ST6GAL2: variants seen among roughly 807,000 people sequenced by gnomAD.
ST6GAL2 encodes the protein ST6 beta-galactoside alpha-2,6-sialyltransferase 2.
In ST6GAL2, 24 loss-of-function variants were observed where a neutral mutation model predicts 37.5. That is an observed-to-expected ratio of 0.64 (90% CI 0.46 to 0.90). The LOEUF (loss-of-function observed/expected upper bound fraction) is 0.90, where lower values mean the gene tolerates loss of function less well. Ranked by LOEUF, ST6GAL2 falls within the 40% of genes least tolerant of loss-of-function variation. ST6GAL2 has a pLI of 0.00. For missense variants in ST6GAL2, 715 were observed against 712.7 expected (o/e 1.00, Z -0.04); for synonymous variants, 306 against 295.1 (o/e 1.04, Z -0.38).
chr2:106,872,393 A>G (rs889891316), intron 1 of ST6GAL2, among the ~76,000 whole-genome samples: 1 of 152,216 alleles, frequency 6.6e-6, no homozygotes, highest in African/African-American at 2.4e-5. Flanking sequence ...CACAGTCAGA[A>G]TAACAACCAC....
chr2:106,860,689 T>C (rs1358862184), intron 1 of ST6GAL2, among the ~76,000 whole-genome samples: 4 of 152,264 alleles, frequency 2.6e-5, no homozygotes, highest in East Asian at 1.9e-4. Context: ...TTCTATGAAA[T>C]AGACTAACAA....
chr2:106,871,559 C>T (rs1286495192), intron 1 of ST6GAL2, among the ~76,000 whole-genome samples: 5 of 152,110 alleles, frequency 3.3e-5, no homozygotes, highest in Admixed American at 2.0e-4. Flanking sequence ...TACAGCTGTA[C>T]AAAATATCTT....
intron 5 of ST6GAL2, among the ~76,000 whole-genome samples, chr2:106,807,364 C>T (rs925614183): frequency 6.6e-6 from 1 of 151,932 alleles, no homozygotes; most frequent in African/African-American, 2.4e-5. Context: ...GAAACAAATG[C>T]CATAAAAACT....
intron 1 of ST6GAL2, among the ~76,000 whole-genome samples, chr2:106,872,675 T>C (rs1227035855): frequency 1.3e-5 from 1 of 77,494 alleles, no homozygotes; most frequent in Admixed American, 1.5e-4. Flanking sequence ...AGTGGCATGA[T>C]CTCGGCTCAC....
chr2:106,847,011 T>C (rs989365630), intron 1 of ST6GAL2, among the ~76,000 whole-genome samples: 5 of 152,218 alleles, frequency 3.3e-5, no homozygotes, highest in Non-Finnish European at 5.9e-5. Context: ...CTTCATCCTA[T>C]GGCTCACACC....
At chr2:106,859,194 G>C (rs1677702827) in intron 1 of ST6GAL2, among the ~76,000 whole-genome samples, 1 of 152,126 alleles carries the variant, frequency 6.6e-6, no homozygotes, top group African/African-American at 2.4e-5. Flanking sequence ...ACCTAAAAGG[G>C]TTGGCTGAAT....
At chr2:106,841,463 C>T (rs927784128) in intron 2 of ST6GAL2, among the ~76,000 whole-genome samples, 2 of 152,200 alleles carry the variant, frequency 1.3e-5, no homozygotes, top group African/African-American at 4.8e-5. Context: ...ATTTGACTCA[C>T]ATTTGTTTTA....
intron 1 of ST6GAL2, among the ~76,000 whole-genome samples, chr2:106,875,808 ATATTATAATTGGGAT>A (rs1159420266): frequency 3.3e-5 from 5 of 152,242 alleles, no homozygotes; most frequent in Admixed American, 1.3e-4. Context: ...GGAAGCTTCC[ATATTATAATTGGGAT>A]AGAAATATAT....
chr2:106,867,233 G>A (rs577826137), intron 1 of ST6GAL2, among the ~76,000 whole-genome samples: 12 of 152,256 alleles, frequency 7.9e-5, no homozygotes, highest in African/African-American at 2.6e-4. Context: ...ATCAGAGTCA[G>A]TATCTGAATC....
chr2:106,855,874 CG>C (rs531667103), intron 1 of ST6GAL2, among the ~76,000 whole-genome samples: 138 of 152,260 alleles, frequency 9.1e-4, no homozygotes, highest in African/African-American at 3.0e-3. Flanking sequence ...ACATTTTACA[CG>C]GAACTCCAGA....
At chr2:106,840,125 T>C (rs1223483748) in intron 2 of ST6GAL2, among the ~76,000 whole-genome samples, 3 of 152,170 alleles carry the variant, frequency 2.0e-5, no homozygotes, top group African/African-American at 7.2e-5. Context: ...TGGCAGAACA[T>C]AGGTAGGGCT....
At chr2:106,857,229 G>T (rs759617374) in intron 1 of ST6GAL2, among the ~76,000 whole-genome samples, 1 of 152,188 alleles carries the variant, frequency 6.6e-6, no homozygotes, top group Non-Finnish European at 1.5e-5. Context: ...ATCCATAGAA[G>T]TGACTGGAAA....
chr2:106,864,821 T>C (rs1338082111), intron 1 of ST6GAL2, among the ~76,000 whole-genome samples: 1 of 152,234 alleles, frequency 6.6e-6, no homozygotes, highest in South Asian at 2.1e-4. Context: ...GGTTCTCTAA[T>C]AGTCTGCAAT....
chr2:106,821,957 T>G (rs1245697900), intron 5 of ST6GAL2, among the ~76,000 whole-genome samples: 1 of 152,078 alleles, frequency 6.6e-6, no homozygotes, highest in Non-Finnish European at 1.5e-5. Flanking sequence ...AAATTCAACA[T>G]CATTTCATGA....
At chr2:106,874,307 G>C (rs1185785593) in intron 1 of ST6GAL2, among the ~76,000 whole-genome samples, 2 of 152,208 alleles carry the variant, frequency 1.3e-5, no homozygotes, top group Admixed American at 1.3e-4. Flanking sequence ...GGAAGTTAGG[G>C]GTTGGGAGGC....
rs372047152 is a variant in ST6GAL2 at position 106,832,082 on chromosome 2, T to C, written c.1143+483A>G. On this transcript the variant is annotated intron_variant, in intron 4 of 5. Coordinates refer to ENST00000409382, the MANE Select transcript of ST6GAL2 (RefSeq NM_001142351.2). ...CCTATTGCATAAAATTCAACAGATT[T>C]AGAAGCAGAGGCCAAAGAGGAACAC... Among the ~76,000 whole-genome samples the C allele has an allele frequency of 2.4e-4, 36 of 152,336 alleles. No homozygotes were observed. The South Asian group carries it at 6.2e-3, about 26-fold the overall frequency.
At chr2:106,877,702 C>A (rs1415188808) in intron 1 of ST6GAL2, among the ~76,000 whole-genome samples, 1 of 152,238 alleles carries the variant, frequency 6.6e-6, no homozygotes, top group Non-Finnish European at 1.5e-5. Flanking sequence ...AAATACCTTA[C>A]TGCATTCATT....
chr2:106,817,639 T>A (rs1469224537), intron 5 of ST6GAL2, among the ~76,000 whole-genome samples: 1 of 152,038 alleles, frequency 6.6e-6, no homozygotes, highest in Non-Finnish European at 1.5e-5. Flanking sequence ...ACACTCAGCA[T>A]TTTCCCAGTG....
chr2:106,863,010 A>C (rs1012209518), intron 1 of ST6GAL2, among the ~76,000 whole-genome samples: 1 of 152,134 alleles, frequency 6.6e-6, no homozygotes, highest in Non-Finnish European at 1.5e-5. Flanking sequence ...TCTATTAGAA[A>C]AGCTAAAGAA....
Sources: allele counts gnomAD v4.1 joint callset (sites outside exome capture counted in the v4.1 genomes callset), GRCh38; gene constraint gnomAD v4.1.1; transcripts MANE v1.5; gene names NCBI Gene and HGNC (gene_info 2026-07-23, HGNC 2026-07-21).